GPAM: variants seen among roughly 807,000 people sequenced by gnomAD.
GPAM encodes glycerol-3-phosphate acyltransferase 1, mitochondrial.
Under a neutral mutation model 105.0 loss-of-function variants are expected in GPAM, and 56 were observed. The ratio of observed to expected loss-of-function variants is 0.53; its 90% CI spans 0.43 to 0.67. The LOEUF (loss-of-function observed/expected upper bound fraction) is 0.67. GPAM is among the 30% of genes least tolerant of loss of function. GPAM has a pLI of 0.00. For missense variants in GPAM, 855 were observed against 989.8 expected (o/e 0.86, Z 1.83); for synonymous variants, 368 against 354.4 (o/e 1.04, Z -0.43).
intron 1 of GPAM, among the ~76,000 whole-genome samples, chr10:112,199,105 G>GTA (rs1359052361): frequency 8.6e-5 from 13 of 151,096 alleles, no homozygotes; most frequent in Non-Finnish European, 3.0e-5. Context: ...GTGTGTGTGT[G>GTA]TGTGTGTGTG....
chr10:112,179,166 C>G (rs932613745), intron 4 of GPAM, among the ~76,000 whole-genome samples: 1 of 151,810 alleles, frequency 6.6e-6, no homozygotes, highest in African/African-American at 2.4e-5. Flanking sequence ...TTTAAATGAT[C>G]ATGTCATGGA....
At chr10:112,172,145 T>C in intron 9 of GPAM, 37 bp downstream of exon 9, 4 of 1,497,496 alleles carry the variant, frequency 2.7e-6, no homozygotes, top group Non-Finnish European at 3.7e-6. Flanking sequence ...AACATAATCT[T>C]TTTAATTCCT....
intron 21 of GPAM, 179 bp downstream of exon 21, chr10:112,154,450 C>T: frequency 1.6e-6 from 1 of 625,568 alleles, no homozygotes; most frequent in Non-Finnish European, 2.9e-6. Flanking sequence ...TGATGGGCTT[C>T]ACCTTCAACA....
chr10:112,201,688 C>T (rs144421267), intron 1 of GPAM, among the ~76,000 whole-genome samples: 2 of 152,254 alleles, frequency 1.3e-5, no homozygotes, highest in Admixed American at 1.3e-4. Flanking sequence ...CTATATCATC[C>T]TATTTATTTT....
chr10:112,222,025 T>C, the GPAM span, among the ~76,000 whole-genome samples: 1 of 152,180 alleles, frequency 6.6e-6, no homozygotes, highest in African/African-American at 2.4e-5. Flanking sequence ...TGAAATGATA[T>C]GATGTCTGGG....
rs1847195071 is a variant in GPAM at position 112,165,318 on chromosome 10, G to A, written c.1222-708C>T. The stretch of plus-strand genomic sequence containing the variant: ...CCAGTCCCAGACTTTCAATGAGGAT[G>A]GCACTATCCTTTGGGATGTGTGGGT... On this transcript the variant is annotated intron_variant, in intron 12 of 21. Coordinates refer to ENST00000348367, the MANE Select transcript of GPAM (RefSeq NM_001244949.2). Among the ~76,000 whole-genome samples the A allele has an allele frequency of 2.0e-5, 3 of 152,156 alleles. No homozygotes were observed. In the South Asian group the frequency reaches 6.2e-4, roughly 32 times the overall value.
At position 112,160,743 on chromosome 10, in the gene GPAM, C is replaced by A. The variant is rs751287710; in HGVS notation, c.1620G>T (p.Leu540=). 1 of 1,614,118 alleles carries A rather than the reference C, an allele frequency of 6.2e-7. No individual in the cohort carries two copies. Among genetic ancestry groups the A allele is most frequent in the African/African-American group, 1.3e-5 (1 of 75,034 alleles). The part of the protein sequence containing the change: ...EDVVMHAIQL[L]GNCVTITHTS... ...TGTGGGTGATTGTGACACAATTTCC[C>A]AGCAGCTGTATGGCATGCATTACTA... is the stretch of plus-strand genomic sequence containing the variant. Residue 540 remains leucine, a synonymous_variant, in exon 16 of 22, where the codon CTG becomes CTT. Transcript: ENST00000348367.
Position 112,163,684 on chromosome 10 carries a change from T to C in GPAM, c.1423+17A>G. The stretch of plus-strand genomic sequence containing the variant: ...GAATCTAAATTGTAGAATTAAAGAG[T>C]CTGGTATTCTACTTACTGAATAGAA... On this transcript the variant is annotated intron_variant, in intron 14 of 21. Transcript: ENST00000348367. The C allele has an allele frequency of 9.4e-7, 1 of 1,068,308 alleles. No individual in the cohort carries two copies. The highest frequency in any genetic ancestry group is 1.5e-6 in the Non-Finnish European group (1 of 681,366). The allele number at this position is 1,068,308 out of a possible 1,614,324, so 66.2% of individuals were successfully genotyped here.
chr10:112,166,530 T>C lies in GPAM; in HGVS notation c.1108-15A>G. ...TTAGGTTTGCCCTAAATTCCAATAG[T>C]GAGAATAACATGGTGAGAAATAAAG... On this transcript the variant is annotated splice_polypyrimidine_tract_variant and intron_variant, in intron 11 of 21. Transcript: ENST00000348367. 7.3e-7 allele frequency: 1 copy of C among 1,373,752 alleles called. No homozygotes were observed. Among genetic ancestry groups the C allele is most frequent in the South Asian group, 1.2e-5 (1 of 86,324 alleles). 85.1% of individuals were successfully genotyped at this position (1,373,752 alleles called of 1,614,324 possible).
upstream of GPAM, among the ~76,000 whole-genome samples, chr10:112,187,951 G>T (rs1847614752): frequency 6.6e-6 from 1 of 152,010 alleles, no homozygotes; most frequent in African/African-American, 2.4e-5. Context: ...AAATCATGCT[G>T]TAAAAAAGAA....
At chr10:112,191,903 A>C (rs1847663375) in intron 1 of GPAM, among the ~76,000 whole-genome samples, 1 of 152,166 alleles carries the variant, frequency 6.6e-6, no homozygotes, top group Non-Finnish European at 1.5e-5. Flanking sequence ...AAAAGGGTGA[A>C]GATGGGGGGA....
At chr10:112,188,434 T>C (rs2133279336), upstream of GPAM, among the ~76,000 whole-genome samples, 1 of 152,292 alleles carries the variant, frequency 6.6e-6, no homozygotes, top group East Asian at 1.9e-4. Context: ...GTGTACCAGA[T>C]GTTAGATTTC....
At position 112,183,193 on chromosome 10, in the gene GPAM, GA is replaced by G. The variant is rs1019064935; in HGVS notation, c.-127-303del. On this transcript the variant is annotated intron_variant, in intron 1 of 21. Transcript: ENST00000348367. ...TTCTATGCCTTAGTTTTCCCATCTGGAAAATGGGCAGAATGATAGCTCTTAA... is the reference window on the plus strand; with the variant it reads ...TTCTATGCCTTAGTTTTCCCATCTGGAAATGGGCAGAATGATAGCTCTTAA... Among the ~76,000 whole-genome samples the G allele has an allele frequency of 5.9e-5, 9 of 152,304 alleles. No individual in the cohort carries two copies. The East Asian group carries it at 1.5e-3, about 26-fold the overall frequency.
intron 15 of GPAM, 110 bp downstream of exon 15, chr10:112,161,557 T>A (rs530008983): frequency 1.2e-6 from 1 of 802,650 alleles, no homozygotes; most frequent in South Asian, 1.4e-5. Flanking sequence ...ACTGTTTACC[T>A]CATAGTACTA....
At chr10:112,190,250 G>A (rs1464009067) in intron 1 of GPAM, among the ~76,000 whole-genome samples, 2 of 152,226 alleles carry the variant, frequency 1.3e-5, no homozygotes, top group Non-Finnish European at 2.9e-5. Context: ...GGCAGTGAAG[G>A]TGACCTTAGA....
intron 4 of GPAM, among the ~76,000 whole-genome samples, chr10:112,179,488 A>C (rs976849507): frequency 2.0e-5 from 3 of 152,240 alleles, no homozygotes; most frequent in African/African-American, 4.8e-5. Context: ...AAATTCTTGC[A>C]ACAAGGTAGT....
At chr10:112,180,344 G>T in intron 4 of GPAM, 129 bp downstream of exon 4, 1 of 836,302 alleles carries the variant, frequency 1.2e-6, no homozygotes, top group Non-Finnish European at 2.0e-6. Context: ...ATCTTTACTT[G>T]AAATATTTGG....
In GPAM at chr10:112,161,617, A is replaced by C. The variant is rs769860709; in HGVS notation, c.1494+50T>G. ...CTGAGTATGTATCTGAGCAGCTGAC[A>C]AAACATTCTCCTGCTTCCTACTTAA... On this transcript the variant is annotated intron_variant, in intron 15 of 21. Transcript: ENST00000348367. 9.4e-5 allele frequency: 138 copies of C among 1,464,372 alleles called. No individual in the cohort carries two copies. In the African/African-American group the frequency reaches 2.0e-3, roughly 21 times the overall value. The allele number at this position is 1,464,372 out of a possible 1,614,324, so 90.7% of individuals were successfully genotyped here.
Position 112,152,493 on chromosome 10 carries a change from G to C in GPAM, c.*1057C>G. 1 of 984,274 alleles carries C rather than the reference G, an allele frequency of 1.0e-6. No individual in the cohort carries two copies. The highest frequency in any genetic ancestry group is 1.2e-6 in the Non-Finnish European group (1 of 828,922). The allele number at this position is 984,274 out of a possible 1,614,324, so 61.0% of individuals were successfully genotyped here. On this transcript the variant is annotated 3_prime_UTR_variant, in exon 22 of 22. Transcript: ENST00000348367. Reference sequence around the variant, plus strand: ...GTAGGGCCACCACATGCATATACTGGACAGGTTGTGCACGGCACAACTCGA... The same window carrying C: ...GTAGGGCCACCACATGCATATACTGCACAGGTTGTGCACGGCACAACTCGA...
Sources: allele counts gnomAD v4.1 joint callset (sites outside exome capture counted in the v4.1 genomes callset), GRCh38; gene constraint gnomAD v4.1.1; transcripts MANE v1.5; gene names NCBI Gene and HGNC (gene_info 2026-07-23, HGNC 2026-07-21).